FRMD5: variants seen among roughly 807,000 people sequenced by gnomAD.
FRMD5 encodes the protein FERM domain-containing protein 5.
A neutral mutation model predicts 69.0 loss-of-function variants in FRMD5; 20 were observed. That is an observed-to-expected ratio of 0.29 (90% confidence interval 0.20 to 0.42). FRMD5 has a LOEUF of 0.42. Among genes scored for constraint, FRMD5 ranks in the 10% least tolerant of loss-of-function variants. FRMD5 has a pLI of 1.00. For missense variants in FRMD5, 595 were observed against 708.6 expected, an observed-to-expected ratio of 0.84 and a Z score of 1.82; for synonymous variants, 271 against 260.1, an observed-to-expected ratio of 1.04 and a Z score of -0.40.
At chr15:44,156,108 G>C (rs2077523854) in intron 1 of FRMD5, among the ~76,000 whole-genome samples, 1 of 152,014 alleles carries the variant, frequency 6.6e-6, no homozygotes, top group Non-Finnish European at 1.5e-5. Context: ...ACTGAGGTCA[G>C]TCAACTACTT....
At chr15:44,037,039 ATGTT>A (rs1176924998) in intron 1 of FRMD5, among the ~76,000 whole-genome samples, 2 of 152,066 alleles carry the variant, frequency 1.3e-5, no homozygotes, top group African/African-American at 4.8e-5. Flanking sequence ...CAGAATGTGC[ATGTT>A]TGTTACATAG....
intron 1 of FRMD5, among the ~76,000 whole-genome samples, chr15:43,958,640 T>C (rs755579604): frequency 9.9e-5 from 15 of 152,154 alleles, no homozygotes; most frequent in Non-Finnish European, 1.6e-4. Context: ...TGCCATGTTG[T>C]CCAAGTTGGT....
chr15:43,996,598 T>C (rs886362061), intron 1 of FRMD5, among the ~76,000 whole-genome samples: 7 of 152,084 alleles, frequency 4.6e-5, no homozygotes, highest in African/African-American at 1.7e-4. Context: ...ATGAGTGCTA[T>C]AAAGTTCAAT....
chr15:44,152,871 A>G (rs2077468427), intron 1 of FRMD5, among the ~76,000 whole-genome samples: 1 of 67,780 alleles, frequency 1.5e-5, no homozygotes, highest in Admixed American at 2.1e-4. Flanking sequence ...TGTACTGCAA[A>G]TATTTTCTAA....
intron 1 of FRMD5, among the ~76,000 whole-genome samples, chr15:44,019,956 A>G (rs936252190): frequency 6.6e-6 from 1 of 152,036 alleles, no homozygotes; most frequent in Non-Finnish European, 1.5e-5. Context: ...CAGAACACCT[A>G]GCACTGAACC....
At chr15:44,146,716 T>C (rs1246300990) in intron 1 of FRMD5, among the ~76,000 whole-genome samples, 1 of 152,220 alleles carries the variant, frequency 6.6e-6, no homozygotes, top group Non-Finnish European at 1.5e-5. Flanking sequence ...TATCTCATTG[T>C]GGTTTTTATT....
chr15:44,012,501 T>C (rs1301603903), intron 1 of FRMD5, among the ~76,000 whole-genome samples: 1 of 152,232 alleles, frequency 6.6e-6, no homozygotes, highest in African/African-American at 2.4e-5. Flanking sequence ...AACTGTTCTA[T>C]TCATAGATGA....
At chr15:44,016,067 A>C (rs1373525401) in intron 1 of FRMD5, among the ~76,000 whole-genome samples, 1 of 152,204 alleles carries the variant, frequency 6.6e-6, no homozygotes, top group Non-Finnish European at 1.5e-5. Flanking sequence ...GACCCAAAGA[A>C]GCATTATCTC....
At chr15:44,105,793 T>C (rs2076708288) in intron 1 of FRMD5, among the ~76,000 whole-genome samples, 1 of 152,218 alleles carries the variant, frequency 6.6e-6, no homozygotes, top group African/African-American at 2.4e-5. Flanking sequence ...TAATTACTAC[T>C]GCCCATTAGA....
chr15:43,961,072 T>A (rs2090191183), intron 1 of FRMD5, among the ~76,000 whole-genome samples: 1 of 143,000 alleles, frequency 7.0e-6, no homozygotes, highest in African/African-American at 3.0e-5. Context: ...CTGAAGGAAA[T>A]AGAGACACAA....
rs1279144860 is a variant in FRMD5 at position 44,072,266 on chromosome 15, T to C, written c.102+122687A>G. On this transcript the variant is annotated intron_variant, in intron 1 of 13. Transcript: ENST00000417257. ...ACCTCGTAAGTTCTTTTTTAAAGAT[T>C]CTAAAACTTAACAGTTTCTAAGTAT... Among the ~76,000 whole-genome samples the C allele has an allele frequency of 2.0e-5, 3 of 152,226 alleles. 1 individual carries two copies. Among genetic ancestry groups the C allele is most frequent in the Non-Finnish European group, 4.4e-5 (3 of 68,032 alleles).
chr15:43,894,923 G>C (rs943013201), intron 7 of FRMD5, among the ~76,000 whole-genome samples: 2 of 152,144 alleles, frequency 1.3e-5, no homozygotes, highest in Admixed American at 1.3e-4. Context: ...TTATGTTTAG[G>C]AGGCACCTCA....
chr15:44,133,342 C>A (rs1353743921), intron 1 of FRMD5, among the ~76,000 whole-genome samples: 3 of 151,486 alleles, frequency 2.0e-5, no homozygotes, highest in Non-Finnish European at 2.9e-5. Context: ...TTTGGGAGGC[C>A]GAGGCAGGCA....
chr15:43,875,361 A>AT (rs1453890929), intron 13 of FRMD5, among the ~76,000 whole-genome samples: 88 of 104,224 alleles, frequency 8.4e-4, no homozygotes, highest in Middle Eastern at 4.3e-3. Context: ...AAAAAAAAAA[A>AT]AAATATATAT....
At chr15:43,879,806 T>C in intron 13 of FRMD5, 1 of 397,212 alleles carries the variant, frequency 2.5e-6, no homozygotes. Context: ...AGATCCCACA[T>C]CATAGCAGCC....
At chr15:43,892,779 A>G (rs1318416326) in intron 7 of FRMD5, among the ~76,000 whole-genome samples, 2 of 152,234 alleles carry the variant, frequency 1.3e-5, no homozygotes, top group Admixed American at 6.5e-5. Flanking sequence ...CCCTGTGAAT[A>G]TACTAAAAAC....
intron 1 of FRMD5, among the ~76,000 whole-genome samples, chr15:44,055,234 CTTATT>C (rs759360047): frequency 1.3e-5 from 2 of 151,994 alleles, no homozygotes; most frequent in African/African-American, 2.4e-5. Context: ...TTGTTTGTGT[CTTATT>C]TTATTTTTTT....
chr15:43,947,090 T>A (rs1014889165), intron 1 of FRMD5, among the ~76,000 whole-genome samples: 8 of 152,336 alleles, frequency 5.3e-5, no homozygotes, highest in African/African-American at 1.9e-4. Context: ...ACTTTTAAAG[T>A]TATCACTTGA....
At chr15:43,981,403 T>C (rs1216037344) in intron 1 of FRMD5, among the ~76,000 whole-genome samples, 1 of 152,228 alleles carries the variant, frequency 6.6e-6, no homozygotes, top group Non-Finnish European at 1.5e-5. Context: ...GTCTTTATCC[T>C]TGTCTTCATG....
Sources: allele counts gnomAD v4.1 joint callset (sites outside exome capture counted in the v4.1 genomes callset), GRCh38; gene constraint gnomAD v4.1.1; transcripts MANE v1.5; gene names NCBI Gene and HGNC (gene_info 2026-07-23, HGNC 2026-07-21).